The following MCF2L2 variants were observed in gnomAD, a reference collection of about 807,000 sequenced individuals.
The protein encoded by MCF2L2 is MCF.2 cell line derived transforming sequence-like 2.
Under a neutral mutation model 150.2 loss-of-function variants are expected in MCF2L2, and 102 were observed. That is an observed-to-expected ratio of 0.68 (90% CI 0.58 to 0.80). The LOEUF (loss-of-function observed/expected upper bound fraction) is 0.80. Among genes scored for constraint, MCF2L2 ranks in the 30% least tolerant of loss-of-function variants. The pLI, the probability that MCF2L2 is intolerant of heterozygous loss-of-function variation, is 0.00. For missense variants in MCF2L2, 1,256 were observed against 1,372.8 expected, an observed-to-expected ratio of 0.91 and a Z score of 1.34; for synonymous variants, 465 against 491.3, an observed-to-expected ratio of 0.95 and a Z score of 0.71.
intron 1 of MCF2L2, among the ~76,000 whole-genome samples, chr3:183,392,128 T>C (rs1239692862): frequency 6.6e-6 from 1 of 152,182 alleles, no homozygotes; most frequent in East Asian, 1.9e-4. Flanking sequence ...TTCTTACATG[T>C]CAATATTTGA....
At chr3:183,364,478 C>T (rs1196634079) in intron 3 of MCF2L2, among the ~76,000 whole-genome samples, 1 of 151,906 alleles carries the variant, frequency 6.6e-6, no homozygotes, top group African/African-American at 2.4e-5. Context: ...CAAGATCACG[C>T]CACTGCACTC....
At chr3:183,189,713 A>G (rs543073560) in intron 27 of MCF2L2, among the ~76,000 whole-genome samples, 1 of 152,342 alleles carries the variant, frequency 6.6e-6, no homozygotes, top group East Asian at 1.9e-4. Flanking sequence ...ACACAGCAAG[A>G]ATCCTACTTA....
At chr3:183,201,841 T>C (rs1250226880) in intron 25 of MCF2L2, among the ~76,000 whole-genome samples, 1 of 152,220 alleles carries the variant, frequency 6.6e-6, no homozygotes, top group African/African-American at 2.4e-5. Flanking sequence ...TGAAGGGCTG[T>C]TGAATTTTGT....
At chr3:183,293,354 G>A (rs1175813051) in intron 13 of MCF2L2, among the ~76,000 whole-genome samples, 2 of 152,122 alleles carry the variant, frequency 1.3e-5, no homozygotes, top group African/African-American at 2.4e-5. Context: ...CACAATACAC[G>A]ACACAAACAA....
At chr3:183,203,400 C>T (rs1026961953) in intron 25 of MCF2L2, among the ~76,000 whole-genome samples, 13 of 152,084 alleles carry the variant, frequency 8.5e-5, no homozygotes, top group African/African-American at 2.2e-4. Flanking sequence ...TTTTAAAGGA[C>T]GAAACAGAAA....
chr3:183,325,501 C>T (rs1729986934), intron 5 of MCF2L2, among the ~76,000 whole-genome samples: 2 of 152,014 alleles, frequency 1.3e-5, no homozygotes, highest in South Asian at 4.2e-4. Flanking sequence ...CCTTTCCCAC[C>T]TAAAAATTTT....
At chr3:183,186,922 T>C (rs1450714332) in intron 27 of MCF2L2, among the ~76,000 whole-genome samples, 1 of 152,240 alleles carries the variant, frequency 6.6e-6, no homozygotes, top group Non-Finnish European at 1.5e-5. Context: ...TCTGGTTATG[T>C]TGGATTTGTA....
At chr3:183,230,506 T>C (rs1041941336) in intron 16 of MCF2L2, among the ~76,000 whole-genome samples, 1 of 152,236 alleles carries the variant, frequency 6.6e-6, no homozygotes, top group African/African-American at 2.4e-5. Flanking sequence ...TTGGGTTGCT[T>C]CTAATATTTT....
chr3:183,418,467 T>C (rs79410715), intron 1 of MCF2L2, among the ~76,000 whole-genome samples: 6 of 152,190 alleles, frequency 3.9e-5, no homozygotes, highest in African/African-American at 1.4e-4. Flanking sequence ...ATTTTAGCAT[T>C]AACTCAAAAG....
intron 1 of MCF2L2, among the ~76,000 whole-genome samples, chr3:183,422,710 A>G (rs1428750375): frequency 1.3e-5 from 2 of 152,232 alleles, no homozygotes; most frequent in African/African-American, 2.4e-5. Flanking sequence ...GGTCATGCTC[A>G]GGTACCATAG....
chr3:183,416,993 T>C lies in MCF2L2; in HGVS notation c.76+10909A>G, dbSNP rs549679848. Among the ~76,000 whole-genome samples the C allele has an allele frequency of 7.9e-5, 12 of 151,508 alleles. No individual in the cohort carries two copies. In the South Asian group the frequency reaches 2.3e-3, roughly 29 times the overall value. On this transcript the variant is annotated intron_variant, in intron 1 of 29. Transcript: ENST00000328913. ...TTGGCGTGGTGGGGCGTGCCTGTAA[T>C]CCCAGCTACTCAGGAGGCTGAGGCA...
Position 183,223,335 on chromosome 3 carries a change from A to G in MCF2L2, c.2301+11T>C, listed in dbSNP as rs1045791279. The G allele has an allele frequency of 6.2e-7, 1 of 1,605,374 alleles. No homozygotes were observed. Among genetic ancestry groups the G allele is most frequent in the East Asian group, 2.2e-5 (1 of 44,830 alleles). On this transcript the variant is annotated intron_variant, in intron 20 of 29. Coordinates refer to ENST00000328913, the MANE Select transcript of MCF2L2 (RefSeq NM_015078.4). Reference sequence around the variant, plus strand: ...TCCCACCAAGGAAAAGCACTGTCTCATTGATTTTACCTTCAACAGCATCTG... The same window carrying G: ...TCCCACCAAGGAAAAGCACTGTCTCGTTGATTTTACCTTCAACAGCATCTG...
At position 183,178,195 on chromosome 3, in the gene MCF2L2, G is replaced by A. The variant is rs567400962; in HGVS notation, c.*1185C>T. The A allele has an allele frequency of 3.3e-5, 5 of 152,338 alleles. No individual in the cohort carries two copies. The highest frequency in any genetic ancestry group is 2.1e-4 in the South Asian group (1 of 4,824). 9.4% of individuals were successfully genotyped at this position (152,338 alleles called of 1,614,324 possible). ...TTAAAAATAAATTCCGGCTGGGCGC[G>A]GTGGCTCACGCCTGTAATCCCAGCA... is the stretch of plus-strand genomic sequence containing the variant. On this transcript the variant is annotated 3_prime_UTR_variant, in exon 30 of 30. Coordinates refer to ENST00000328913, the MANE Select transcript of MCF2L2 (RefSeq NM_015078.4).
chr3:183,317,558 C>T (rs1410655318), intron 7 of MCF2L2, among the ~76,000 whole-genome samples: 2 of 152,140 alleles, frequency 1.3e-5, no homozygotes, highest in African/African-American at 4.8e-5. Context: ...TTCTCAAATT[C>T]ATCCCCAAAT....
chr3:183,180,202 A>C, intron 27 of MCF2L2, 43 bp from the exon 28 acceptor site: 2 of 1,280,260 alleles, frequency 1.6e-6, no homozygotes, highest in Non-Finnish European at 2.3e-6. Context: ...GTGGGGTGGG[A>C]GGACATCCCC....
intron 22 of MCF2L2, among the ~76,000 whole-genome samples, chr3:183,209,909 C>G (rs1055536341): frequency 2.0e-5 from 3 of 151,608 alleles, no homozygotes; most frequent in Admixed American, 6.6e-5. Context: ...TAACTCAGTA[C>G]GTATGCAAAT....
Position 183,179,346 on chromosome 3 carries a change from C to G in MCF2L2, c.*34G>C. On this transcript the variant is annotated 3_prime_UTR_variant, in exon 30 of 30. Transcript: ENST00000328913. This position sits in a 1 kb window ranked among gnomAD's most constrained non-coding sequence, Gnocchi z 4.2. ...CGCCTCTCCCGGGAATGCGGGCGCT[C>G]TGGAGCCGAGGAGCGGGGGCGTCCG... 1 of 1,412,518 alleles carries G rather than the reference C, an allele frequency of 7.1e-7. No homozygotes were observed. The allele number at this position is 1,412,518 out of a possible 1,614,324, so 87.5% of individuals were successfully genotyped here.
At chr3:183,323,449 T>G in intron 5 of MCF2L2, 98 bp from the exon 6 acceptor site, 1 of 467,750 alleles carries the variant, frequency 2.1e-6, no homozygotes, top group East Asian at 4.2e-5. Flanking sequence ...TTATATTCTA[T>G]TATTATTTAA....
intron 5 of MCF2L2, among the ~76,000 whole-genome samples, chr3:183,335,657 C>T (rs982151676): frequency 6.6e-6 from 1 of 151,792 alleles, no homozygotes; most frequent in Non-Finnish European, 1.5e-5. Context: ...AGGTTGAGCC[C>T]AGGAGTTTGA....
Sources: allele counts gnomAD v4.1 joint callset (sites outside exome capture counted in the v4.1 genomes callset), GRCh38; gene constraint gnomAD v4.1.1; non-coding constraint Gnocchi (gnomAD v3.1); transcripts MANE v1.5; gene names NCBI Gene and HGNC (gene_info 2026-07-23, HGNC 2026-07-21).